The following CHCT1 variants were observed in gnomAD, a reference collection of about 807,000 sequenced individuals.
The protein encoded by CHCT1 is CHD1 helical C-terminal domain containing 1.
At chr17:60,422,540 C>A in the CHCT1 span, 3 of 1,548,102 alleles carry the variant, frequency 1.9e-6, no homozygotes, top group Non-Finnish European at 2.6e-6. Flanking sequence ...GGGTCAGAAG[C>A]CAGAGGGGAC....
the CHCT1 span, chr17:60,426,806 G>A: frequency 1.9e-6 from 3 of 1,604,174 alleles, no homozygotes; most frequent in East Asian, 6.8e-5. Context: ...CAGCCAGCCG[G>A]CCAAGTTCCT....
At chr17:60,421,520 G>A in the CHCT1 span, 2 of 985,364 alleles carry the variant, frequency 2.0e-6, no homozygotes, top group African/African-American at 1.7e-5. Context: ...CGGGCCCAGA[G>A]GACACGAAGG....
the CHCT1 span, among the ~76,000 whole-genome samples, chr17:60,427,721 T>G: frequency 1.3e-5 from 2 of 152,116 alleles, no homozygotes; most frequent in African/African-American, 2.4e-5. Flanking sequence ...CCTACCACTC[T>G]TCATGTTGTA....
At chr17:60,424,256 C>T in the CHCT1 span, among the ~76,000 whole-genome samples, 7 of 152,170 alleles carry the variant, frequency 4.6e-5, no homozygotes, top group African/African-American at 1.7e-4. Context: ...AGGGGACACA[C>T]ATTCAAACCA....
At chr17:60,429,817 ATTTAT>A in the CHCT1 span, among the ~76,000 whole-genome samples, 1 of 150,950 alleles carries the variant, frequency 6.6e-6, no homozygotes, top group African/African-American at 2.4e-5. Flanking sequence ...TTTATTATTT[ATTTAT>A]TTTATTTTAT....
At chr17:60,425,961 C>G in the CHCT1 span, 3 of 1,365,654 alleles carry the variant, frequency 2.2e-6, no homozygotes, top group Non-Finnish European at 3.1e-6. Flanking sequence ...AATGGCAGGC[C>G]TCAGACCCAC....
chr17:60,429,245 A>T, the CHCT1 span: 1 of 1,127,916 alleles, frequency 8.9e-7, no homozygotes, highest in Non-Finnish European at 1.2e-6. Flanking sequence ...CCTTTTGGTT[A>T]GGCAAGTGTG....
the CHCT1 span, chr17:60,421,887 G>C: frequency 1.0e-6 from 1 of 985,484 alleles, no homozygotes; most frequent in Non-Finnish European, 1.2e-6. Context: ...CCGCGTCTCA[G>C]CGCCTCCTGT....
chr17:60,422,577 C>T, the CHCT1 span: 4 of 1,549,730 alleles, frequency 2.6e-6, no homozygotes, highest in East Asian at 2.4e-5. Context: ...TGGAGCCTAC[C>T]GGCACACCTG....
At chr17:60,430,090 G>T in the CHCT1 span, among the ~76,000 whole-genome samples, 2 of 143,972 alleles carry the variant, frequency 1.4e-5, no homozygotes, top group Non-Finnish European at 3.0e-5. Context: ...CTCCCAAAGT[G>T]CTGGGATTAC....
chr17:60,422,399 G>C, the CHCT1 span: 139 of 1,397,120 alleles, frequency 9.9e-5, no homozygotes, highest in Admixed American at 1.5e-4. Flanking sequence ...GCCAGCTGCA[G>C]CCACCCCTAA....
At chr17:60,423,065 G>C in the CHCT1 span, among the ~76,000 whole-genome samples, 1 of 152,094 alleles carries the variant, frequency 6.6e-6, no homozygotes. Context: ...TGTTCTCCCC[G>C]AACACAGACT....
chr17:60,429,773 C>T, the CHCT1 span, among the ~76,000 whole-genome samples: 48 of 152,152 alleles, frequency 3.2e-4, no homozygotes, highest in African/African-American at 1.0e-3. Context: ...TCCCCCTCTT[C>T]CCCAGGCTTG....
chr17:60,422,030 C>T, the CHCT1 span: 1 of 870,736 alleles, frequency 1.1e-6, no homozygotes, highest in Non-Finnish European at 1.4e-6. Context: ...CACCCAGCAC[C>T]CAGCACGGAG....
chr17:60,421,578 C>G, the CHCT1 span: 1 of 985,068 alleles, frequency 1.0e-6, no homozygotes, highest in African/African-American at 1.7e-5. Flanking sequence ...AAAGGTGGCT[C>G]GAGTGAGGAA....
chr17:60,431,384 A>G, the CHCT1 span: 279 of 679,206 alleles, frequency 4.1e-4, no homozygotes, highest in Non-Finnish European at 6.3e-4. Context: ...AATTAGGAAT[A>G]AATGAGGTGG....
At chr17:60,422,749 T>TCC in the CHCT1 span, 1 of 1,176,892 alleles carries the variant, frequency 8.5e-7, no homozygotes, top group East Asian at 2.7e-5. Flanking sequence ...AATGATAGGG[T>TCC]ACCTGAGATA....
At chr17:60,422,571 G>A in the CHCT1 span, 1 of 1,550,076 alleles carries the variant, frequency 6.5e-7, no homozygotes, top group Non-Finnish European at 8.7e-7. Context: ...CCACCCTGGA[G>A]CCTACCGGCA....
the CHCT1 span, among the ~76,000 whole-genome samples, chr17:60,425,173 T>G: frequency 6.6e-6 from 1 of 152,130 alleles, no homozygotes; most frequent in East Asian, 1.9e-4. Context: ...CTTGGGAAGA[T>G]AGATTTGAGG....
Sources: allele counts gnomAD v4.1 joint callset (sites outside exome capture counted in the v4.1 genomes callset), GRCh38; gene constraint gnomAD v4.1.1; transcripts MANE v1.5; gene names NCBI Gene and HGNC (gene_info 2026-07-23, HGNC 2026-07-21).